The following BRINP3 variants were observed in gnomAD, a reference collection of about 807,000 sequenced individuals.
BRINP3 encodes BMP/retinoic acid inducible neural specific 3.
In BRINP3, 19 loss-of-function variants were observed where a neutral mutation model predicts 71.0. That is an observed-to-expected ratio of 0.27 (90% CI 0.19 to 0.39). The LOEUF (loss-of-function observed/expected upper bound fraction) is 0.39. Ranked by LOEUF, BRINP3 falls within the 10% of genes least tolerant of loss-of-function variation. The pLI, the probability that BRINP3 is intolerant of heterozygous loss-of-function variation, is 1.00. For missense variants in BRINP3, 959 were observed against 940.8 expected (o/e 1.02, Z -0.25); for synonymous variants, 380 against 337.7 (o/e 1.13, Z -1.37).
At chr1:190,215,558 T>G (rs747754511) in intron 6 of BRINP3, among the ~76,000 whole-genome samples, 8 of 151,974 alleles carry the variant, frequency 5.3e-5, no homozygotes, top group Non-Finnish European at 8.8e-5. Flanking sequence ...ACATAAAATT[T>G]AAAAAAATTT....
At chr1:190,276,090 T>A (rs1225659747) in intron 3 of BRINP3, among the ~76,000 whole-genome samples, 1 of 151,556 alleles carries the variant, frequency 6.6e-6, no homozygotes, top group Non-Finnish European at 1.5e-5. Flanking sequence ...ATGACATTTA[T>A]TTTGATTATT....
intron 7 of BRINP3, among the ~76,000 whole-genome samples, chr1:190,147,176 A>C (rs903922458): frequency 2.6e-5 from 4 of 152,060 alleles, no homozygotes; most frequent in Non-Finnish European, 5.9e-5. Context: ...TTTCCATGTA[A>C]ATATGCATGC....
intron 6 of BRINP3, among the ~76,000 whole-genome samples, chr1:190,166,507 T>C (rs1651552714): frequency 6.6e-6 from 1 of 152,144 alleles, no homozygotes; most frequent in African/African-American, 2.4e-5. Context: ...CCAGTGTCCT[T>C]GCAACTACGG....
At chr1:190,376,120 C>T (rs1670166996) in intron 2 of BRINP3, among the ~76,000 whole-genome samples, 2 of 151,726 alleles carry the variant, frequency 1.3e-5, no homozygotes, top group African/African-American at 4.8e-5. Context: ...ACTAATTCTG[C>T]CTCTTCAGGG....
chr1:190,153,188 G>A (rs979524781), intron 7 of BRINP3, among the ~76,000 whole-genome samples: 1 of 152,054 alleles, frequency 6.6e-6, no homozygotes, highest in African/African-American at 2.4e-5. Flanking sequence ...TCCTCAAAAA[G>A]CTAATCTTGG....
intron 7 of BRINP3, among the ~76,000 whole-genome samples, chr1:190,129,608 C>G (rs531424804): frequency 1.3e-5 from 2 of 152,038 alleles, no homozygotes; most frequent in Middle Eastern, 3.4e-3. Context: ...GAGAATGTTA[C>G]TGATGTGATG....
chr1:190,260,969 C>T (rs1661135066), intron 4 of BRINP3, among the ~76,000 whole-genome samples: 1 of 151,940 alleles, frequency 6.6e-6, no homozygotes, highest in South Asian at 2.1e-4. Context: ...ATACAAGAAA[C>T]ACAGTAACAT....
At chr1:190,287,997 C>T (rs552758501) in intron 2 of BRINP3, among the ~76,000 whole-genome samples, 1 of 152,102 alleles carries the variant, frequency 6.6e-6, no homozygotes, top group Admixed American at 6.6e-5. Flanking sequence ...ATTGATTAAG[C>T]TTGTTTAAAT....
At chr1:190,466,061 TAA>T (rs969927506) in intron 1 of BRINP3, among the ~76,000 whole-genome samples, 3 of 151,776 alleles carry the variant, frequency 2.0e-5, no homozygotes, top group Admixed American at 2.0e-4. Context: ...TTTTGTCATG[TAA>T]GTGTCAATTT....
At chr1:190,234,342 T>C (rs1326504690) in intron 5 of BRINP3, 30 bp downstream of exon 5, 1 of 1,526,828 alleles carries the variant, frequency 6.5e-7, no homozygotes, top group Non-Finnish European at 9.0e-7. Flanking sequence ...TTCAGGCTTG[T>C]AGAGAATTAA....
intron 2 of BRINP3, among the ~76,000 whole-genome samples, chr1:190,408,996 G>A (rs1455723846): frequency 6.6e-6 from 1 of 152,184 alleles, no homozygotes; most frequent in Non-Finnish European, 1.5e-5. Flanking sequence ...GTTGTTGCTA[G>A]TAGCATCTGG....
intron 2 of BRINP3, among the ~76,000 whole-genome samples, chr1:190,431,210 C>T (rs1674076084): frequency 6.6e-6 from 1 of 151,896 alleles, no homozygotes; most frequent in Non-Finnish European, 1.5e-5. Context: ...TTTAGTATGG[C>T]TATTGCTTAA....
intron 2 of BRINP3, among the ~76,000 whole-genome samples, chr1:190,377,572 C>G (rs1670261007): frequency 6.7e-6 from 1 of 148,210 alleles, no homozygotes; most frequent in Admixed American, 6.8e-5. Context: ...TATATGTAAT[C>G]TGTTGCTATT....
At chr1:190,423,473 G>GA (rs1377911801) in intron 2 of BRINP3, among the ~76,000 whole-genome samples, 1 of 151,732 alleles carries the variant, frequency 6.6e-6, no homozygotes, top group Non-Finnish European at 1.5e-5. Context: ...ATGTTCACAG[G>GA]ATAGCGTAGA....
intron 2 of BRINP3, among the ~76,000 whole-genome samples, chr1:190,398,285 ACT>A (rs901756270): frequency 6.6e-6 from 1 of 151,782 alleles, no homozygotes; most frequent in African/African-American, 2.4e-5. Flanking sequence ...AAGGGGATAA[ACT>A]CTAAGTTTTA....
intron 5 of BRINP3, among the ~76,000 whole-genome samples, chr1:190,232,646 C>T (rs1316197032): frequency 1.3e-5 from 2 of 151,604 alleles, no homozygotes; most frequent in African/African-American, 2.4e-5. Flanking sequence ...AATGTTGCTT[C>T]ATTTATTCCT....
chr1:190,269,657 A>G (rs1167274452), intron 3 of BRINP3, among the ~76,000 whole-genome samples: 1 of 152,072 alleles, frequency 6.6e-6, no homozygotes, highest in Non-Finnish European at 1.5e-5. Context: ...AAATATATTC[A>G]ATCTAAGTCA....
chr1:190,367,771 C>A (rs1270206049), intron 2 of BRINP3, among the ~76,000 whole-genome samples: 1 of 152,142 alleles, frequency 6.6e-6, no homozygotes, highest in Non-Finnish European at 1.5e-5. Context: ...GCAAGAGTGA[C>A]CTTTACTCAA....
chr1:190,445,120 A>G (rs1020697056), intron 2 of BRINP3, among the ~76,000 whole-genome samples: 1 of 152,128 alleles, frequency 6.6e-6, no homozygotes, highest in Non-Finnish European at 1.5e-5. Context: ...ATTATGGGGA[A>G]GTTAAAAAAT....
Sources: gnomAD v4.1 joint callset for allele counts (sites outside exome capture counted in the v4.1 genomes callset) on GRCh38, gnomAD v4.1.1 for gene constraint, MANE v1.5 for transcripts, NCBI Gene and HGNC (gene_info 2026-07-23, HGNC 2026-07-21) for gene names.